PUS7: variants seen among roughly 807,000 people sequenced by gnomAD.
PUS7 encodes the protein pseudouridine synthase 7, also known as pseudouridylate synthase 7 homolog.
In PUS7, 48 loss-of-function variants were observed where a neutral mutation model predicts 79.8. The ratio of observed to expected loss-of-function variants is 0.60; its 90% CI spans 0.48 to 0.76. The LOEUF (loss-of-function observed/expected upper bound fraction) is 0.76. Among genes scored for constraint, PUS7 ranks in the 30% least tolerant of loss-of-function variants. PUS7 has a pLI of 0.00. For synonymous variants in PUS7, 286 were observed against 272.2 expected (o/e 1.05, Z -0.50); for missense variants, 729 against 797.6 (o/e 0.91, Z 1.04).
Position 105,465,243 on chromosome 7 carries a change from T to C in PUS7, c.1627+70A>G, listed in dbSNP as rs1285109142. ...GACTGTCATAAATAACCAAAGTTTA[T>C]ATATGCTTGAAATAGTAGCTTCATT... On this transcript the variant is annotated intron_variant, in intron 13 of 15. Coordinates refer to ENST00000469408, the MANE Select transcript of PUS7 (RefSeq NM_019042.5). 3 of 1,141,718 alleles carry C rather than the reference T, an allele frequency of 2.6e-6. No individual in the cohort carries two copies. In the African/African-American group the frequency reaches 4.7e-5, roughly 18 times the overall value. 70.7% of individuals were successfully genotyped at this position (1,141,718 alleles called of 1,614,324 possible).
At chr7:105,494,598 T>C (rs1384502267) in intron 6 of PUS7, among the ~76,000 whole-genome samples, 1 of 151,768 alleles carries the variant, frequency 6.6e-6, no homozygotes, top group Non-Finnish European at 1.5e-5. Context: ...TTAGTAGAGA[T>C]TGGGTTTCAC....
intron 9 of PUS7, among the ~76,000 whole-genome samples, chr7:105,475,635 T>C (rs1439837352): frequency 6.6e-6 from 1 of 152,204 alleles, no homozygotes; most frequent in Admixed American, 6.5e-5. Context: ...TGCTTTGTAC[T>C]TTTCTTACTT....
intron 1 of PUS7, among the ~76,000 whole-genome samples, chr7:105,512,077 G>A (rs780799335): frequency 8.2e-5 from 12 of 147,114 alleles, no homozygotes; most frequent in East Asian, 8.1e-4. Context: ...CCTGGGAGGC[G>A]GACGTTGCAG....
At chr7:105,503,018 T>G (rs545310302) in intron 4 of PUS7, among the ~76,000 whole-genome samples, 135 of 152,314 alleles carry the variant, frequency 8.9e-4, no homozygotes, top group African/African-American at 3.2e-3. Flanking sequence ...ATTTCAGAGC[T>G]TCCCAATATT....
At chr7:105,487,073 A>G in intron 7 of PUS7, among the ~76,000 whole-genome samples, 1 of 152,240 alleles carries the variant, frequency 6.6e-6, no homozygotes, top group South Asian at 2.1e-4. Flanking sequence ...AAAATAAAAT[A>G]AAATAAATAA....
intron 7 of PUS7, among the ~76,000 whole-genome samples, chr7:105,487,856 A>G (rs1348581901): frequency 6.6e-6 from 1 of 152,202 alleles, no homozygotes; most frequent in African/African-American, 2.4e-5. Context: ...TAAAATTACT[A>G]GGTGGCTTTA....
intron 7 of PUS7, 26 bp from the exon 8 acceptor site, chr7:105,482,466 A>T: frequency 6.4e-7 from 1 of 1,566,912 alleles, no homozygotes; most frequent in Admixed American, 1.9e-5. Flanking sequence ...AAAAAGCAAC[A>T]AAACAAAAAA....
In PUS7 at chr7:105,508,476, G is replaced by C; in HGVS notation, c.37C>G (p.Arg13Gly). 1.2e-6 allele frequency: 2 copies of C among 1,613,910 alleles called. No homozygotes were observed. Among genetic ancestry groups the C allele is most frequent in the South Asian group, 1.1e-5 (1 of 91,052 alleles). Residue 13 changes from arginine to glycine, a missense_variant, in exon 2 of 16, where the codon CGT (arginine) becomes GGT (glycine). Coordinates refer to ENST00000469408, the MANE Select transcript of PUS7 (RefSeq NM_019042.5). ...TTATCTTCGACAACCAGTGCCCCAC[G>C]TTTCAGCGACACACCAGTCATTTCT... is the stretch of plus-strand genomic sequence containing the variant. Reference protein sequence around the residue: ...MTEMTGVSLKRGALVVEDNDS... With the variant: ...MTEMTGVSLKGGALVVEDNDS...
chr7:105,468,411 C>T lies in PUS7; in HGVS notation c.1451G>A (p.Trp484Ter). The T allele has an allele frequency of 6.2e-7, 1 of 1,613,156 alleles. No individual in the cohort carries two copies. The highest frequency in any genetic ancestry group is 8.5e-7 in the Non-Finnish European group (1 of 1,179,296). The change falls in exon 12 of 16, where the codon TGG becomes TAG. Residue 484 changes from tryptophan (W) to a stop codon, truncating the protein, a stop_gained. Coordinates refer to ENST00000469408, the MANE Select transcript of PUS7 (RefSeq NM_019042.5). LOFTEE classifies it high-confidence loss of function. ...MYIHSYQSYV[W>*]NNMVSKRIED... Reference sequence around the variant, plus strand: ...TATCCTCTTGCTTACCATGTTATTCCACACATAGCTTTGGTAGCTATGAAT... The same window carrying T: ...TATCCTCTTGCTTACCATGTTATTCTACACATAGCTTTGGTAGCTATGAAT...
chr7:105,520,422 GCAATA>G (rs1301501842), intron 1 of PUS7, among the ~76,000 whole-genome samples: 1 of 125,560 alleles, frequency 8.0e-6, no homozygotes, highest in African/African-American at 2.6e-5. Context: ...TCGCGCCACT[GCAATA>G]CATCTCCAGC....
At chr7:105,486,602 C>T (rs927938821) in intron 7 of PUS7, among the ~76,000 whole-genome samples, 1 of 152,146 alleles carries the variant, frequency 6.6e-6, no homozygotes, top group African/African-American at 2.4e-5. Context: ...GGGGACAAAA[C>T]TCCTCTTCAG....
At chr7:105,480,975 A>T in intron 9 of PUS7, 77 bp downstream of exon 9, 1 of 1,489,204 alleles carries the variant, frequency 6.7e-7, no homozygotes, top group African/African-American at 1.4e-5. Flanking sequence ...CGTAGAAATA[A>T]TTAAAAACAC....
At chr7:105,471,593 C>G (rs1422952663) in intron 10 of PUS7, among the ~76,000 whole-genome samples, 1 of 152,196 alleles carries the variant, frequency 6.6e-6, no homozygotes, top group African/African-American at 2.4e-5. Context: ...GGGCGGATCA[C>G]CTGAGGTCAG....
chr7:105,510,007 G>C (rs898559089), intron 1 of PUS7, among the ~76,000 whole-genome samples: 15 of 152,046 alleles, frequency 9.9e-5, no homozygotes, highest in African/African-American at 3.4e-4. Flanking sequence ...TCAAAAAACT[G>C]ATTAATATTG....
At chr7:105,510,175 C>T (rs976668593) in intron 1 of PUS7, among the ~76,000 whole-genome samples, 7 of 152,014 alleles carry the variant, frequency 4.6e-5, no homozygotes, top group Non-Finnish European at 8.8e-5. Flanking sequence ...TGGCACATGC[C>T]TGTAATCCCA....
Position 105,508,402 on chromosome 7 carries a change from T to A in PUS7, c.111A>T (p.Glu37Asp). Residue 37 changes from glutamate to aspartate, a missense_variant, in exon 2 of 16, where the codon GAA becomes GAT. Glu to Asp is a conservative substitution (Grantham distance 45). Coordinates refer to ENST00000469408, the MANE Select transcript of PUS7 (RefSeq NM_019042.5). ...VEETKKQKLSECSLTKGQDGL... is the reference protein window; with the variant it reads ...VEETKKQKLSDCSLTKGQDGL... ...CATCTTGACCTTTGGTTAGACTGCA[T>A]TCCGACAGCTTCTGTTTTTTTGTCT... The A allele has an allele frequency of 6.2e-7, 1 of 1,614,150 alleles. No individual in the cohort carries two copies. The highest frequency in any genetic ancestry group is 8.5e-7 in the Non-Finnish European group (1 of 1,180,028).
chr7:105,472,846 C>T (rs552806622), intron 9 of PUS7, among the ~76,000 whole-genome samples: 50 of 151,336 alleles, frequency 3.3e-4, no homozygotes, highest in Non-Finnish European at 4.9e-4. Flanking sequence ...CTCTGCCTCC[C>T]GGTTTCACGC....
rs748190530 is a variant in PUS7 at position 105,472,211 on chromosome 7, T to C, written c.1176-18A>G. 1 of 1,464,340 alleles carries C rather than the reference T, an allele frequency of 6.8e-7. No individual in the cohort carries two copies. Among genetic ancestry groups the C allele is most frequent in the Non-Finnish European group, 9.5e-7 (1 of 1,052,960 alleles). 90.7% of individuals were successfully genotyped at this position (1,464,340 alleles called of 1,614,324 possible). A position where few individuals can be genotyped will look rare whatever the true frequency, so the allele number is the denominator to read the frequency against. The stretch of plus-strand genomic sequence containing the variant: ...GTATAGCTCTAAAATTAAACAACAT[T>C]TATTTTACTAAATTTTGCATAAAGA... On this transcript the variant is annotated intron_variant, in intron 9 of 15. Transcript: ENST00000469408.
chr7:105,515,960 C>A (rs1223329396), intron 1 of PUS7, among the ~76,000 whole-genome samples: 1 of 152,062 alleles, frequency 6.6e-6, no homozygotes, highest in Non-Finnish European at 1.5e-5. Flanking sequence ...CAGGCGCGTG[C>A]CACCAAGCCC....
Sources: gnomAD v4.1 joint callset for allele counts (sites outside exome capture counted in the v4.1 genomes callset) on GRCh38, gnomAD v4.1.1 for gene constraint, MANE v1.5 for transcripts, NCBI Gene and HGNC (gene_info 2026-07-23, HGNC 2026-07-21) for gene names.